Variants in BICC1 observed in about 807,000 individuals in gnomAD.
The protein encoded by BICC1 is protein bicaudal C homolog 1.
In BICC1, 43 loss-of-function variants were observed where a neutral mutation model predicts 111.0. That is an observed-to-expected ratio of 0.39 (90% CI 0.30 to 0.50). BICC1 has a LOEUF of 0.50. Ranked by LOEUF, BICC1 falls within the 20% of genes least tolerant of loss-of-function variation. The pLI, the probability that BICC1 is intolerant of heterozygous loss-of-function variation, is 0.88. For missense variants in BICC1, 1,091 were observed against 1,203.2 expected (o/e 0.91, Z 1.38); for synonymous variants, 467 against 434.4 (o/e 1.07, Z -0.93).
intron 2 of BICC1, among the ~76,000 whole-genome samples, chr10:58,652,200 T>C (rs1838470463): frequency 6.6e-6 from 1 of 152,112 alleles, no homozygotes; most frequent in Non-Finnish European, 1.5e-5. Context: ...ATCTATCATC[T>C]CTAGAGTTTT....
chr10:58,513,854 C>G (rs1334812853), intron 1 of BICC1, among the ~76,000 whole-genome samples: 1 of 152,182 alleles, frequency 6.6e-6, no homozygotes, highest in Non-Finnish European at 1.5e-5. Flanking sequence ...GCTCCCGCCC[C>G]CACCCCTGTG....
chr10:58,658,851 C>A (rs1308616884), intron 2 of BICC1, among the ~76,000 whole-genome samples: 1 of 152,044 alleles, frequency 6.6e-6, no homozygotes, highest in African/African-American at 2.4e-5. Context: ...TGTGCCCCAG[C>A]TCTGATCCTT....
At chr10:58,769,355 G>A (rs1402182845) in intron 3 of BICC1, among the ~76,000 whole-genome samples, 2 of 143,902 alleles carry the variant, frequency 1.4e-5, no homozygotes, top group Non-Finnish European at 3.0e-5. Context: ...TATGTTGATT[G>A]TGGTAATAGT....
Position 58,800,467 on chromosome 10 carries a change from A to G in BICC1, c.1858+141A>G, listed in dbSNP as rs192654145. On this transcript the variant is annotated intron_variant, in intron 13 of 20. Coordinates refer to ENST00000373886, the MANE Select transcript of BICC1 (RefSeq NM_001080512.3). The stretch of plus-strand genomic sequence containing the variant: ...TACCTCAATTATGTGGAAAGACAAC[A>G]TCCTGAATAAAATTTCAAAGAGCAT... The G allele has an allele frequency of 1.2e-4, 95 of 779,734 alleles. 2 individuals carry two copies. In the South Asian group the frequency reaches 2.4e-3, roughly 20 times the overall value. The allele number at this position is 779,734 out of a possible 1,614,324, so 48.3% of individuals were successfully genotyped here.
chr10:58,722,140 A>T (rs920393724), intron 3 of BICC1, among the ~76,000 whole-genome samples: 3 of 152,230 alleles, frequency 2.0e-5, no homozygotes, highest in African/African-American at 7.2e-5. Context: ...AATGGCAAGA[A>T]AATTGCTCAT....
At chr10:58,579,243 G>A (rs1356322385) in intron 1 of BICC1, among the ~76,000 whole-genome samples, 1 of 152,204 alleles carries the variant, frequency 6.6e-6, no homozygotes, top group African/African-American at 2.4e-5. Flanking sequence ...GCTTGAAACT[G>A]AAGCTCAGTG....
intron 3 of BICC1, among the ~76,000 whole-genome samples, chr10:58,757,217 T>A (rs959870441): frequency 4.6e-5 from 7 of 152,234 alleles, no homozygotes; most frequent in African/African-American, 1.4e-4. Context: ...TTGTTGAATG[T>A]TAAACTACTT....
At chr10:58,532,482 A>G (rs989724057) in intron 1 of BICC1, among the ~76,000 whole-genome samples, 1 of 151,838 alleles carries the variant, frequency 6.6e-6, no homozygotes, top group African/African-American at 2.4e-5. Context: ...TGGTGAAATT[A>G]TTGATACTTT....
chr10:58,623,608 C>T (rs564272236), intron 2 of BICC1, among the ~76,000 whole-genome samples: 71 of 152,254 alleles, frequency 4.7e-4, no homozygotes, highest in Middle Eastern at 6.8e-3. Context: ...GAGAGTCTTC[C>T]AGCTGGGTTG....
chr10:58,747,291 A>G (rs959138928), intron 3 of BICC1, among the ~76,000 whole-genome samples: 6 of 152,140 alleles, frequency 3.9e-5, no homozygotes, highest in African/African-American at 1.4e-4. Context: ...CTTACAAGGT[A>G]AAAGATGTGA....
intron 8 of BICC1, among the ~76,000 whole-genome samples, chr10:58,792,278 A>C (rs1395231993): frequency 1.3e-5 from 2 of 152,180 alleles, no homozygotes; most frequent in South Asian, 2.1e-4. Flanking sequence ...AATCTAAAAA[A>C]TGAGGTAGTT....
intron 3 of BICC1, among the ~76,000 whole-genome samples, chr10:58,764,253 G>A (rs1287299757): frequency 6.6e-6 from 1 of 152,192 alleles, no homozygotes; most frequent in Non-Finnish European, 1.5e-5. Flanking sequence ...AGACATGACA[G>A]TGAATTGGCA....
At chr10:58,581,894 T>TC in intron 1 of BICC1, among the ~76,000 whole-genome samples, 1 of 152,162 alleles carries the variant, frequency 6.6e-6, no homozygotes, top group Non-Finnish European at 1.5e-5. Flanking sequence ...ATCATCAAAT[T>TC]CCTCTCTATC....
intron 3 of BICC1, among the ~76,000 whole-genome samples, chr10:58,703,164 C>CTTTTTTTTTTTT (rs3076275): frequency 1.5e-5 from 2 of 130,414 alleles, no homozygotes; most frequent in African/African-American, 5.8e-5. Context: ...TATCTTGCTA[C>CTTTTTTTTTTTT]TTTTTTTTTT....
At chr10:58,740,285 T>C (rs188169829) in intron 3 of BICC1, among the ~76,000 whole-genome samples, 379 of 152,312 alleles carry the variant, frequency 2.5e-3, no homozygotes, top group Non-Finnish European at 4.1e-3. Flanking sequence ...CCCTGTTGAA[T>C]TCTAAAAGAT....
chr10:58,783,600 T>TG (rs1337850856), intron 3 of BICC1, among the ~76,000 whole-genome samples: 12 of 74,920 alleles, frequency 1.6e-4, no homozygotes, highest in African/African-American at 4.6e-4. Flanking sequence ...GCGGAACTGG[T>TG]GGTAAATTGT....
chr10:58,641,274 A>C lies in BICC1; in HGVS notation c.237+20373A>C, dbSNP rs550066363. Among the ~76,000 whole-genome samples, 6 of 152,078 alleles carry C rather than the reference A, an allele frequency of 3.9e-5. No individual in the cohort carries two copies. The South Asian group carries it at 1.2e-3, about 32-fold the overall frequency. On this transcript the variant is annotated intron_variant, in intron 2 of 20. Transcript: ENST00000373886. ...ATGCGATGGCTGCTATTCATTATCT[A>C]CTCTGTGTTGGACAGGCTCGGGGTT...
chr10:58,534,338 A>G (rs904198158), intron 1 of BICC1, among the ~76,000 whole-genome samples: 3 of 151,700 alleles, frequency 2.0e-5, no homozygotes, highest in Non-Finnish European at 3.0e-5. Flanking sequence ...ACCCTTTGAA[A>G]GAAGCAGTGG....
At chr10:58,597,977 C>T (rs1465206764) in intron 1 of BICC1, among the ~76,000 whole-genome samples, 1 of 151,992 alleles carries the variant, frequency 6.6e-6, no homozygotes, top group Admixed American at 6.6e-5. Flanking sequence ...TCACAGTGGT[C>T]CTGAAGTGAC....
Sources: allele counts gnomAD v4.1 joint callset (sites outside exome capture counted in the v4.1 genomes callset), GRCh38; gene constraint gnomAD v4.1.1; transcripts MANE v1.5; gene names NCBI Gene and HGNC (gene_info 2026-07-23, HGNC 2026-07-21).